Variants in KCNC2 observed in about 807,000 individuals in gnomAD.
KCNC2 encodes voltage-gated potassium channel KCNC2.
Under a neutral mutation model 44.5 loss-of-function variants are expected in KCNC2, and 21 were observed. The observed-to-expected ratio is 0.47, with a 90% CI of 0.33 to 0.68. The LOEUF (loss-of-function observed/expected upper bound fraction) is 0.68. KCNC2 is among the 30% of genes least tolerant of loss of function. The pLI is 0.01. For synonymous variants in KCNC2, 391 were observed against 339.1 expected, an observed-to-expected ratio of 1.15 and a Z score of -1.68; for missense variants, 589 against 826.2, an observed-to-expected ratio of 0.71 and a Z score of 3.52.
At chr12:75,123,484 G>C (rs750082000) in intron 2 of KCNC2, among the ~76,000 whole-genome samples, 12 of 152,152 alleles carry the variant, frequency 7.9e-5, no homozygotes, top group Non-Finnish European at 1.8e-4. Flanking sequence ...GAACTGAACA[G>C]GCAGTTTCTA....
At chr12:75,065,331 C>A (rs1483236730) in intron 2 of KCNC2, among the ~76,000 whole-genome samples, 9 of 151,960 alleles carry the variant, frequency 5.9e-5, no homozygotes, top group Non-Finnish European at 8.8e-5. Flanking sequence ...AGTATGTAGT[C>A]ATTTGGTGTA....
intron 2 of KCNC2, among the ~76,000 whole-genome samples, chr12:75,069,136 T>C (rs1242460306): frequency 1.7e-5 from 2 of 115,966 alleles, no homozygotes; most frequent in Non-Finnish European, 3.6e-5. Context: ...AATCTTTTTT[T>C]TTTTTTTTTT....
chr12:75,148,545 A>G (rs1890176129), intron 2 of KCNC2, among the ~76,000 whole-genome samples: 1 of 152,128 alleles, frequency 6.6e-6, no homozygotes, highest in Non-Finnish European at 1.5e-5. Flanking sequence ...TAAAACAAGA[A>G]AGGCTAGCTT....
intron 2 of KCNC2, among the ~76,000 whole-genome samples, chr12:75,185,871 C>T (rs1892904029): frequency 6.6e-6 from 1 of 151,744 alleles, no homozygotes; most frequent in Non-Finnish European, 1.5e-5. Context: ...CATGGTGAAA[C>T]TCTGTCTGTA....
intron 2 of KCNC2, among the ~76,000 whole-genome samples, chr12:75,203,498 A>G (rs535016468): frequency 1.3e-5 from 2 of 152,062 alleles, no homozygotes; most frequent in East Asian, 3.9e-4. Flanking sequence ...CCCATATTGT[A>G]TTTCAACAAC....
intron 2 of KCNC2, among the ~76,000 whole-genome samples, chr12:75,139,610 T>C (rs1889496744): frequency 6.6e-6 from 1 of 152,194 alleles, no homozygotes; most frequent in South Asian, 2.1e-4. Flanking sequence ...TTTCTCTAAA[T>C]ACATTTTCTG....
Position 75,177,143 on chromosome 12 carries a change from G to A in KCNC2, c.687+30154C>T, listed in dbSNP as rs1428649362. 2.7e-5 allele frequency among the ~76,000 whole-genome samples: 4 copies of A among 150,384 alleles called. No homozygotes were observed. In the South Asian group the frequency reaches 8.4e-4, roughly 31 times the overall value. ...TTTTAGGGAGTGTTAGTTTGCTAAG[G>A]CTGCAATAACAAAATACTAGATAAT... is the stretch of plus-strand genomic sequence containing the variant. On this transcript the variant is annotated intron_variant, in intron 2 of 4. Coordinates refer to ENST00000549446, the MANE Select transcript of KCNC2 (RefSeq NM_139137.4).
At chr12:75,114,437 C>A (rs73353802) in intron 2 of KCNC2, among the ~76,000 whole-genome samples, 2,453 of 152,282 alleles carry the variant, frequency 0.016, 73 homozygotes, top group African/African-American at 0.056. Context: ...AAATACCAAG[C>A]ACTATGCTAG....
chr12:75,170,877 T>C (rs1271878975), intron 2 of KCNC2, among the ~76,000 whole-genome samples: 1 of 151,810 alleles, frequency 6.6e-6, no homozygotes, highest in African/African-American at 2.4e-5. Flanking sequence ...CAAGAGGCTG[T>C]CTGGGCTGCA....
In KCNC2 at chr12:75,207,696, G is replaced by T. The variant is rs758529094; in HGVS notation, c.288C>A (p.Pro96=). The T allele has an allele frequency of 1.9e-6, 3 of 1,595,026 alleles. No individual in the cohort carries two copies. Among genetic ancestry groups the T allele is most frequent in the Non-Finnish European group, 2.6e-6 (3 of 1,171,766 alleles). The change falls in exon 2 of 5, where the codon CCC becomes CCA. Residue 96 remains proline, a synonymous_variant. Transcript: ENST00000549446. The surrounding 1 kb of genome is among the most constrained non-coding windows in gnomAD (Gnocchi z 4.1). ...SSRGGRASDH[P]GGGREFFFDR... is the part of the protein sequence containing the mutation. Reference sequence around the variant, plus strand: ...CGAAGAAGAACTCGCGGCCGCCACCGGGATGGTCGCTGGCCCTGCCGCCGC... The same window carrying T: ...CGAAGAAGAACTCGCGGCCGCCACCTGGATGGTCGCTGGCCCTGCCGCCGC...
chr12:75,093,816 C>T (rs1303533041), intron 2 of KCNC2, among the ~76,000 whole-genome samples: 2 of 151,616 alleles, frequency 1.3e-5, no homozygotes, highest in East Asian at 1.9e-4. Context: ...AATTAAGAAA[C>T]ATAGGTCTAC....
At chr12:75,043,506 T>A (rs1045946317) in intron 4 of KCNC2, 2 of 1,263,528 alleles carry the variant, frequency 1.6e-6, no homozygotes, top group Non-Finnish European at 2.0e-6. Flanking sequence ...AGCATTAATA[T>A]AATTTTGGCA....
Position 75,090,478 on chromosome 12 carries a change from A to T in KCNC2, c.688-39161T>A, listed in dbSNP as rs535216091. Among the ~76,000 whole-genome samples the T allele has an allele frequency of 4.6e-5, 7 of 151,412 alleles. No individual in the cohort carries two copies. In the South Asian group the frequency reaches 1.5e-3, roughly 31 times the overall value. ...CTATAGCAGCCTTCTTAGAACTTAG[A>T]AGACAGAGCTAACTACAAAATGAAG... On this transcript the variant is annotated intron_variant, in intron 2 of 4. Coordinates refer to ENST00000549446, the MANE Select transcript of KCNC2 (RefSeq NM_139137.4).
At chr12:75,079,079 T>A (rs542303100) in intron 2 of KCNC2, among the ~76,000 whole-genome samples, 2 of 152,230 alleles carry the variant, frequency 1.3e-5, no homozygotes, top group Admixed American at 1.3e-4. Context: ...TCAGAAGAAG[T>A]AGAATTGCTT....
chr12:75,141,663 T>C (rs1889662574), intron 2 of KCNC2, among the ~76,000 whole-genome samples: 1 of 152,174 alleles, frequency 6.6e-6, no homozygotes, highest in Admixed American at 6.5e-5. Context: ...TTACTTTCAA[T>C]GCGATGTTTC....
Position 75,167,236 on chromosome 12 carries a change from T to C in KCNC2, c.687+40061A>G, listed in dbSNP as rs116534160. ...TTAAGCAAACATATGGATGACCTTT[T>C]ACTTTCTTTTTTTATTATCTTTAAT... On this transcript the variant is annotated intron_variant, in intron 2 of 4. Transcript: ENST00000549446. 9.6e-3 allele frequency among the ~76,000 whole-genome samples: 1,451 copies of C among 151,486 alleles called. 22 individuals are homozygous for C. Among genetic ancestry groups the C allele is most frequent in the African/African-American group, 0.032 (1,342 of 41,470 alleles).
chr12:75,051,680 A>G (rs1881188486), intron 2 of KCNC2, among the ~76,000 whole-genome samples: 2 of 152,172 alleles, frequency 1.3e-5, no homozygotes, highest in Non-Finnish European at 2.9e-5. Context: ...ATGACAGTTT[A>G]TGATCCTAGA....
At chr12:75,077,365 A>C (rs567984993) in intron 2 of KCNC2, among the ~76,000 whole-genome samples, 1 of 152,186 alleles carries the variant, frequency 6.6e-6, no homozygotes, top group African/African-American at 2.4e-5. Context: ...ATGGTTCTGA[A>C]TGACTCATAC....
At chr12:75,200,281 A>G (rs548715557) in intron 2 of KCNC2, among the ~76,000 whole-genome samples, 14 of 151,894 alleles carry the variant, frequency 9.2e-5, no homozygotes, top group Non-Finnish European at 1.6e-4. Flanking sequence ...TAGCCCTGCC[A>G]TTGTCGTTAA....
Sources: gnomAD v4.1 joint callset for allele counts (sites outside exome capture counted in the v4.1 genomes callset) on GRCh38, gnomAD v4.1.1 for gene constraint, Gnocchi (gnomAD v3.1) non-coding constraint, MANE v1.5 for transcripts, NCBI Gene and HGNC (gene_info 2026-07-23, HGNC 2026-07-21) for gene names.